Variants in SAMD7 observed in about 807,000 individuals in gnomAD.
SAMD7 encodes sterile alpha motif domain containing 7, also known as sterile alpha motif domain-containing protein 7.
SAMD7 carries 34 observed loss-of-function variants against 36.7 expected under a neutral mutation model. The ratio of observed to expected loss-of-function variants is 0.93; its 90% CI spans 0.71 to 1.23. The LOEUF (loss-of-function observed/expected upper bound fraction) is 1.23, where lower values mean the gene tolerates loss of function less well. Ranked by LOEUF, SAMD7 falls within the 50% of genes most tolerant of loss-of-function variation. SAMD7 has a pLI of 0.00. For missense variants in SAMD7, 570 were observed against 546.6 expected, an observed-to-expected ratio of 1.04 and a Z score of -0.43; for synonymous variants, 188 against 189.7, an observed-to-expected ratio of 0.99 and a Z score of 0.07.
intron 4 of SAMD7, among the ~76,000 whole-genome samples, chr3:169,923,666 C>A (rs1434821354): frequency 6.6e-6 from 1 of 152,104 alleles, no homozygotes; most frequent in Non-Finnish European, 1.5e-5. Context: ...CACTTGAACA[C>A]GGGAGAGGGA....
chr3:169,936,709 A>C (rs1713732338), intron 8 of SAMD7, among the ~76,000 whole-genome samples: 2 of 152,124 alleles, frequency 1.3e-5, no homozygotes, highest in Admixed American at 1.3e-4. Flanking sequence ...TTGAAAAAAA[A>C]TGAGCCCCAA....
At chr3:169,919,717 C>A (rs1200138161) in intron 3 of SAMD7, 133 bp downstream of exon 3, 1 of 762,814 alleles carries the variant, frequency 1.3e-6, no homozygotes, top group South Asian at 1.6e-5. Context: ...TAATTCAAGT[C>A]AAGACACCCT....
At position 169,928,482 on chromosome 3, in the gene SAMD7, G is replaced by C. The variant is rs747217867; in HGVS notation, c.945G>C (p.Gly315=). 1 of 1,612,834 alleles carries C rather than the reference G, an allele frequency of 6.2e-7. No homozygotes were observed. The highest frequency in any genetic ancestry group is 8.5e-7 in the Non-Finnish European group (1 of 1,178,802). The change falls in exon 7 of 9, where the codon GGG becomes GGC. Residue 315 remains glycine, a synonymous_variant. Coordinates refer to ENST00000335556, the MANE Select transcript of SAMD7 (RefSeq NM_001304366.2). ...LPGTHALVTI[G]GNLSLDEDIQ... ...GAACACATGCACTGGTTACAATTGG[G>C]GGGAATCTTTCTTTGGATGAAGATA... is the stretch of plus-strand genomic sequence containing the variant.
intron 8 of SAMD7, 27 bp downstream of exon 8, chr3:169,936,476 T>C (rs747011686): frequency 8.4e-6 from 10 of 1,188,178 alleles, no homozygotes; most frequent in Middle Eastern, 1.9e-4. Context: ...TAACTAATTA[T>C]GTATTAATGG....
In SAMD7 at chr3:169,919,487, A is replaced by G; in HGVS notation, c.-12A>G. ...CCATTAGTGGCGAGAGATATTGAAGACAAACCCGGTGATGGCTGTGAACCC... is the reference window on the plus strand; with the variant it reads ...CCATTAGTGGCGAGAGATATTGAAGGCAAACCCGGTGATGGCTGTGAACCC... On this transcript the variant is annotated 5_prime_UTR_variant, in exon 3 of 9. Transcript: ENST00000335556. 6.2e-7 allele frequency: 1 copy of G among 1,612,166 alleles called. No individual in the cohort carries two copies. Among genetic ancestry groups the G allele is most frequent in the Non-Finnish European group, 8.5e-7 (1 of 1,178,156 alleles).
chr3:169,925,182 C>A (rs1713206794), intron 5 of SAMD7, 46 bp downstream of exon 5: 1 of 1,234,086 alleles, frequency 8.1e-7, no homozygotes, highest in Non-Finnish European at 1.2e-6. Flanking sequence ...CATTCACTTG[C>A]TCATTTATTC....
chr3:169,933,311 A>G, intron 7 of SAMD7: 1 of 383,796 alleles, frequency 2.6e-6, no homozygotes, highest in Non-Finnish European at 4.8e-6. Flanking sequence ...ATGGTATGAA[A>G]TGGATTGGAA....
intron 7 of SAMD7, among the ~76,000 whole-genome samples, chr3:169,933,594 T>C (rs535069872): frequency 6.6e-6 from 1 of 152,360 alleles, no homozygotes; most frequent in Admixed American, 6.5e-5. Context: ...AACATTTCAG[T>C]CCTTTCTCCA....
rs1188585712 is a variant in SAMD7, at chr3:169,919,555, C to T, written c.57C>T (p.Pro19=). The T allele has an allele frequency of 6.2e-7, 1 of 1,614,012 alleles. No homozygotes were observed. Among genetic ancestry groups the T allele is most frequent in the Non-Finnish European group, 8.5e-7 (1 of 1,179,954 alleles). ...GGCAGCAGACAATCCCACTGATCCC[C>T]TCACCATTTGGGCCTCCAACTGTGG... ...PTGQQTIPLI[P]SPFGPPTVDR... is the part of the protein sequence containing the mutation. The change falls in exon 3 of 9, where the codon CCC becomes CCT. Residue 19 remains proline, a synonymous_variant. Transcript: ENST00000335556.
At chr3:169,930,359 C>T (rs1713435725) in intron 7 of SAMD7, among the ~76,000 whole-genome samples, 1 of 152,130 alleles carries the variant, frequency 6.6e-6, no homozygotes, top group Admixed American at 6.5e-5. Context: ...AGTATACTCC[C>T]TCCAAGTGAC....
intron 7 of SAMD7, chr3:169,931,965 T>G (rs533235911): frequency 2.0e-6 from 1 of 501,300 alleles, no homozygotes; most frequent in Non-Finnish European, 3.1e-6. Context: ...AGCCAGAGAG[T>G]GAGTGGGTCA....
chr3:169,922,985 C>T (rs566622626), intron 4 of SAMD7, among the ~76,000 whole-genome samples: 54 of 152,274 alleles, frequency 3.5e-4, no homozygotes, highest in Admixed American at 8.5e-4. Context: ...TCAGTAGAGT[C>T]GTGTTGGTGA....
At chr3:169,925,037 A>G (rs1713197082) in intron 4 of SAMD7, 21 bp from the exon 5 acceptor site, 1 of 1,466,872 alleles carries the variant, frequency 6.8e-7, no homozygotes, top group African/African-American at 1.4e-5. Flanking sequence ...GTGGGGTGGG[A>G]TGGTGGTTTT....
At chr3:169,919,345 AG>A in intron 2 of SAMD7, 112 bp from the exon 3 acceptor site, 3 of 632,306 alleles carry the variant, frequency 4.7e-6, no homozygotes, top group Admixed American at 2.8e-5. Flanking sequence ...TGGTGTAGCT[AG>A]TCTTCCCAAG....
chr3:169,915,709 T>A (rs1053076696), intron 2 of SAMD7, among the ~76,000 whole-genome samples: 2 of 149,352 alleles, frequency 1.3e-5, no homozygotes, highest in African/African-American at 4.9e-5. Flanking sequence ...CCCAGCCTCC[T>A]GAGTAGCTGG....
At chr3:169,934,361 T>C (rs773076807) in intron 7 of SAMD7, among the ~76,000 whole-genome samples, 31 of 151,824 alleles carry the variant, frequency 2.0e-4, no homozygotes, top group Non-Finnish European at 4.3e-4. Flanking sequence ...CAGGGCAAGA[T>C]GGCCAAAAAG....
At chr3:169,922,832 C>A (rs1425557929) in intron 4 of SAMD7, among the ~76,000 whole-genome samples, 3 of 151,968 alleles carry the variant, frequency 2.0e-5, no homozygotes, top group African/African-American at 4.8e-5. Context: ...GATTTACGAT[C>A]ATTTTACATT....
chr3:169,919,409 T>G, intron 2 of SAMD7, 49 bp from the exon 3 acceptor site: 1 of 997,764 alleles, frequency 1.0e-6, no homozygotes, highest in Non-Finnish European at 1.6e-6. Flanking sequence ...TTCAAATAGT[T>G]CACAAAAAGT....
At chr3:169,920,671 GT>G (rs999669578) in intron 3 of SAMD7, among the ~76,000 whole-genome samples, 1 of 152,012 alleles carries the variant, frequency 6.6e-6, no homozygotes, top group African/African-American at 2.4e-5. Context: ...ACCTTCCCTT[GT>G]TTTTTTGTTT....
Sources: allele counts gnomAD v4.1 joint callset (sites outside exome capture counted in the v4.1 genomes callset), GRCh38; gene constraint gnomAD v4.1.1; transcripts MANE v1.5; gene names NCBI Gene and HGNC (gene_info 2026-07-23, HGNC 2026-07-21).